THUMPD2: variants seen among roughly 807,000 people sequenced by gnomAD.
The protein encoded by THUMPD2 is U6 snRNA (guanine-N(2))-methyltransferase THUMPD2.
A neutral mutation model predicts 49.4 loss-of-function variants in THUMPD2; 56 were observed. The ratio of observed to expected loss-of-function variants is 1.13; its 90% CI spans 0.91 to 1.41. The LOEUF is 1.41. THUMPD2 is among the 40% of genes most tolerant of loss of function. THUMPD2 has a pLI of 0.00. For missense variants in THUMPD2, 709 were observed against 594.5 expected, an observed-to-expected ratio of 1.19 and a Z score of -2.00; for synonymous variants, 237 against 205.2, an observed-to-expected ratio of 1.15 and a Z score of -1.32.
chr2:39,756,014 T>G, intron 6 of THUMPD2, 54 bp from the exon 7 acceptor site: 1 of 1,494,690 alleles, frequency 6.7e-7, no homozygotes, highest in South Asian at 1.2e-5. Context: ...GTACGTACTA[T>G]AAAAGAAACC....
intron 4 of THUMPD2, among the ~76,000 whole-genome samples, chr2:39,766,372 A>G (rs1677520187): frequency 6.6e-6 from 1 of 152,116 alleles, no homozygotes; most frequent in African/African-American, 2.4e-5. Flanking sequence ...CTCAAAACCA[A>G]CTTTCTTCCT....
rs753970749 is a variant in THUMPD2, at chr2:39,736,792, A to C, written c.1455T>G (p.Leu485=). The C allele has an allele frequency of 6.2e-7, 1 of 1,614,178 alleles. No individual in the cohort carries two copies. The highest frequency in any genetic ancestry group is 1.7e-5 in the Admixed American group (1 of 60,020). ...LVPVECYKVS[L]GKTDAFICKY... ...TACATATGAACGCATCTGTCTTTCC[A>C]AGGCTAACTTTGTAGCATTCCACTG... The change falls in exon 10 of 10, where the codon CTT becomes CTG. Residue 485 remains leucine (L), a synonymous_variant. Transcript: ENST00000505747.
chr2:39,763,863 C>T (rs182939960), intron 5 of THUMPD2, among the ~76,000 whole-genome samples: 206 of 152,178 alleles, frequency 1.4e-3, no homozygotes, highest in Admixed American at 4.3e-3. Flanking sequence ...TACCTGCCAT[C>T]CCCCATGTAA....
At chr2:39,764,971 A>C (rs1677310593) in intron 5 of THUMPD2, among the ~76,000 whole-genome samples, 1 of 152,188 alleles carries the variant, frequency 6.6e-6, no homozygotes, top group Admixed American at 6.5e-5. Context: ...TGTTTCTAGC[A>C]AGCATTAAAA....
chr2:39,761,870 T>C (rs921852625), intron 5 of THUMPD2, among the ~76,000 whole-genome samples: 3 of 152,144 alleles, frequency 2.0e-5, no homozygotes, highest in Non-Finnish European at 4.4e-5. Context: ...CTTTTGTAGG[T>C]TTGTTTTTTG....
At chr2:39,755,999 C>T (rs745559869) in intron 6 of THUMPD2, 39 bp from the exon 7 acceptor site, 2 of 1,559,808 alleles carry the variant, frequency 1.3e-6, no homozygotes, top group East Asian at 2.2e-5. Context: ...ATTAAGACTA[C>T]CATAGTACGT....
At chr2:39,770,887 A>C (rs938876490) in intron 2 of THUMPD2, among the ~76,000 whole-genome samples, 3 of 152,100 alleles carry the variant, frequency 2.0e-5, no homozygotes, top group Admixed American at 2.0e-4. Flanking sequence ...ACGTAATTCA[A>C]ATTGAAGTTT....
chr2:39,755,198 A>C, intron 8 of THUMPD2, 97 bp downstream of exon 8: 1 of 806,708 alleles, frequency 1.2e-6, no homozygotes, highest in Non-Finnish European at 1.9e-6. Context: ...TAAAGGGTAA[A>C]ACCAACCTTT....
At chr2:39,738,398 C>G (rs537181844) in intron 9 of THUMPD2, among the ~76,000 whole-genome samples, 1 of 151,480 alleles carries the variant, frequency 6.6e-6, no homozygotes, top group Non-Finnish European at 1.5e-5. Context: ...CATGTCTCTA[C>G]CAAAAAAATA....
chr2:39,757,894 T>C (rs1448989295), intron 6 of THUMPD2, among the ~76,000 whole-genome samples: 1 of 151,834 alleles, frequency 6.6e-6, no homozygotes, highest in Non-Finnish European at 1.5e-5. Flanking sequence ...AAGAGGGAAA[T>C]GGATCAGGTT....
intron 8 of THUMPD2, among the ~76,000 whole-genome samples, chr2:39,746,982 C>T (rs1309262871): frequency 6.6e-6 from 1 of 152,200 alleles, no homozygotes; most frequent in Non-Finnish European, 1.5e-5. Context: ...AAATTAATTT[C>T]ATCCTTATCA....
At position 39,769,714 on chromosome 2, in the gene THUMPD2, G is replaced by A; in HGVS notation, c.668C>T (p.Ala223Val). 6.4e-7 allele frequency: 1 copy of A among 1,556,868 alleles called. No individual in the cohort carries two copies. The highest frequency in any genetic ancestry group is 1.4e-5 in the African/African-American group (1 of 71,470). ...CSGTIGKAFT[A>V]QEVGKVIGIA... ...CACTTTAGGATGCAAGCATACCTGT[G>A]CAGTGAAGGCCTTTCCAATAGTTCC... Residue 223 changes from alanine to valine, a missense_variant, in exon 3 of 10, where the codon GCA becomes GTA. Coordinates refer to ENST00000505747, the MANE Select transcript of THUMPD2 (RefSeq NM_025264.5).
intron 8 of THUMPD2, among the ~76,000 whole-genome samples, chr2:39,746,304 G>C (rs1233988383): frequency 6.6e-6 from 1 of 152,156 alleles, no homozygotes; most frequent in Non-Finnish European, 1.5e-5. Context: ...TCCTCTAGCA[G>C]TGGTTCTCAA....
intron 4 of THUMPD2, among the ~76,000 whole-genome samples, chr2:39,768,144 C>T (rs576951054): frequency 5.9e-5 from 9 of 152,008 alleles, no homozygotes; most frequent in East Asian, 1.9e-4. Flanking sequence ...TAGAGAACAT[C>T]GCTGTAACCT....
At chr2:39,769,453 G>A in intron 3 of THUMPD2, 1 of 351,528 alleles carries the variant, frequency 2.8e-6, no homozygotes, top group Non-Finnish European at 5.1e-6. Flanking sequence ...TGTAATCCCA[G>A]CACTTTGGGA....
Position 39,766,123 on chromosome 2 carries a change from C to A in THUMPD2, c.751-14G>T, listed in dbSNP as rs1677481276. The A allele has an allele frequency of 1.9e-6, 3 of 1,552,066 alleles. No homozygotes were observed. Among genetic ancestry groups the A allele is most frequent in the Non-Finnish European group, 2.6e-6 (3 of 1,155,292 alleles). ...ATGTATAAAGATCTGAAAGAACAAA[C>A]ACAGAAGTTAGAATGGAACAAGAAA... is the stretch of plus-strand genomic sequence containing the variant. On this transcript the variant is annotated splice_polypyrimidine_tract_variant and intron_variant, in intron 4 of 9. Coordinates refer to ENST00000505747, the MANE Select transcript of THUMPD2 (RefSeq NM_025264.5).
chr2:39,774,131 T>A (rs1263626831), intron 1 of THUMPD2, among the ~76,000 whole-genome samples: 1 of 152,214 alleles, frequency 6.6e-6, no homozygotes, highest in Admixed American at 6.5e-5. Flanking sequence ...TGCCAGGCAA[T>A]GGGATGGCAT....
chr2:39,754,319 AAAATAAAAGTCACTGGCAGC>A (rs1216927516), intron 8 of THUMPD2, among the ~76,000 whole-genome samples: 1 of 152,200 alleles, frequency 6.6e-6, no homozygotes, highest in East Asian at 1.9e-4. Flanking sequence ...GAAAGGCTTA[AAAATAAAAGTCACTGGCAGC>A]AAACAACTAT....
chr2:39,759,342 TTTA>T (rs1676528807), intron 6 of THUMPD2, among the ~76,000 whole-genome samples: 1 of 152,136 alleles, frequency 6.6e-6, no homozygotes, highest in African/African-American at 2.4e-5. Context: ...GGTATAATTA[TTTA>T]TTATTACCAA....
Sources: allele counts gnomAD v4.1 joint callset (sites outside exome capture counted in the v4.1 genomes callset), GRCh38; gene constraint gnomAD v4.1.1; transcripts MANE v1.5; gene names NCBI Gene and HGNC (gene_info 2026-07-23, HGNC 2026-07-21).